FGF2: variants seen among roughly 807,000 people sequenced by gnomAD.
FGF2 encodes the protein basic fibroblast growth factor bFGF.
In FGF2, 13 loss-of-function variants were observed where a neutral mutation model predicts 15.9. The ratio of observed to expected loss-of-function variants is 0.82; its 90% CI spans 0.53 to 1.30. The LOEUF (loss-of-function observed/expected upper bound fraction) is 1.30. FGF2 is among the 50% of genes most tolerant of loss of function. FGF2 has a pLI of 0.00. For synonymous variants in FGF2, 90 were observed against 78.4 expected (o/e 1.15, Z -0.78); for missense variants, 163 against 196.9 (o/e 0.83, Z 1.03).
At chr4:122,856,976 T>C (rs117081464) in intron 1 of FGF2, among the ~76,000 whole-genome samples, 2 of 152,300 alleles carry the variant, frequency 1.3e-5, no homozygotes, top group East Asian at 3.9e-4. Flanking sequence ...TTAACACATA[T>C]AGGGTTGATG....
chr4:122,850,048 G>C (rs1726196643), intron 1 of FGF2, among the ~76,000 whole-genome samples: 1 of 152,278 alleles, frequency 6.6e-6, no homozygotes, highest in African/African-American at 2.4e-5. Context: ...GATTGCTTGA[G>C]CTCAGGAGTT....
intron 1 of FGF2, among the ~76,000 whole-genome samples, chr4:122,836,833 C>T (rs308402): frequency 0.081 from 12,341 of 152,258 alleles, 925 homozygotes; most frequent in South Asian, 0.2. Context: ...GCAATAAAGG[C>T]AAAGCGTAGT....
chr4:122,834,361 T>C (rs1193847686), intron 1 of FGF2, among the ~76,000 whole-genome samples: 2 of 152,266 alleles, frequency 1.3e-5, no homozygotes, highest in Non-Finnish European at 1.5e-5. Context: ...TTATTTTCTT[T>C]TGTGAATAAT....
At chr4:122,860,096 C>T (rs138230974) in intron 1 of FGF2, among the ~76,000 whole-genome samples, 7 of 152,216 alleles carry the variant, frequency 4.6e-5, no homozygotes, top group African/African-American at 7.2e-5. Flanking sequence ...TTACCTATAT[C>T]GAGTTTTCCC....
intron 2 of FGF2, among the ~76,000 whole-genome samples, chr4:122,883,850 G>T (rs1047333751): frequency 2.0e-5 from 3 of 152,128 alleles, no homozygotes; most frequent in African/African-American, 7.2e-5. Context: ...ATCCACAATA[G>T]TGAAATATGA....
At chr4:122,837,056 A>G (rs1199231372) in intron 1 of FGF2, among the ~76,000 whole-genome samples, 1 of 152,134 alleles carries the variant, frequency 6.6e-6, no homozygotes, top group Non-Finnish European at 1.5e-5. Context: ...AATCATTGTA[A>G]AAGTTAGTAT....
chr4:122,889,579 C>A (rs12503378), intron 2 of FGF2, among the ~76,000 whole-genome samples: 3 of 151,816 alleles, frequency 2.0e-5, no homozygotes, highest in Non-Finnish European at 4.4e-5. Flanking sequence ...AAATTTTGGC[C>A]CTACTACTCA....
chr4:122,879,757 G>T (rs1404663605), intron 2 of FGF2, among the ~76,000 whole-genome samples: 1 of 152,238 alleles, frequency 6.6e-6, no homozygotes, highest in African/African-American at 2.4e-5. Flanking sequence ...AGTAGGCAGA[G>T]AGAGCTTGTG....
At chr4:122,863,496 T>C (rs1471473732) in intron 1 of FGF2, among the ~76,000 whole-genome samples, 1 of 152,178 alleles carries the variant, frequency 6.6e-6, no homozygotes, top group African/African-American at 2.4e-5. Context: ...GGAATGACAT[T>C]CTACCCAGAA....
At chr4:122,826,707 C>T, upstream of FGF2, 14 of 1,256,066 alleles carry the variant, frequency 1.1e-5, no homozygotes, top group Non-Finnish European at 1.3e-5. Flanking sequence ...AACTCAGAGG[C>T]CGGCCCCAGA....
At position 122,893,502 on chromosome 4, in the gene FGF2, A is replaced by T. The variant is rs1431070381; in HGVS notation, c.*1106A>T. 6.7e-6 allele frequency: 2 copies of T among 296,890 alleles called. No individual in the cohort carries two copies. Among genetic ancestry groups the T allele is most frequent in the African/African-American group, 4.3e-5 (2 of 46,282 alleles). The allele number at this position is 296,890 out of a possible 1,614,324, so 18.4% of individuals were successfully genotyped here. On this transcript the variant is annotated 3_prime_UTR_variant, in exon 3 of 3. Transcript: ENST00000644866. ...TACATTTTTGGGGTCAGCTCTTTTT[A>T]ACTTCTTGCTGCTCTTTTTCCCAAA... is the stretch of plus-strand genomic sequence containing the variant.
Position 122,893,241 on chromosome 4 carries a change from G to C in FGF2, c.*845G>C, listed in dbSNP as rs1727244901. On this transcript the variant is annotated 3_prime_UTR_variant, in exon 3 of 3. Transcript: ENST00000644866. ...GCTGTGTCTCCTACGTAAAAAAAGA[G>C]ATGTACAAATCAATAATAATTACAC... 6.4e-7 allele frequency: 1 copy of C among 1,573,746 alleles called. No homozygotes were observed. The highest frequency in any genetic ancestry group is 1.4e-5 in the African/African-American group (1 of 73,062).
At chr4:122,880,021 C>G (rs931732444) in intron 2 of FGF2, among the ~76,000 whole-genome samples, 1 of 152,198 alleles carries the variant, frequency 6.6e-6, no homozygotes, top group African/African-American at 2.4e-5. Flanking sequence ...AGTCGTAACT[C>G]ATTTCAGCAT....
At chr4:122,868,126 G>A (rs1726642437) in intron 1 of FGF2, among the ~76,000 whole-genome samples, 1 of 152,124 alleles carries the variant, frequency 6.6e-6, no homozygotes, top group Admixed American at 6.5e-5. Context: ...GATATGGTTA[G>A]TTTAAATCTG....
intron 2 of FGF2, among the ~76,000 whole-genome samples, chr4:122,887,621 C>T (rs930713776): frequency 6.6e-6 from 1 of 152,208 alleles, no homozygotes; most frequent in Middle Eastern, 3.2e-3. Flanking sequence ...AGAGTCTGCT[C>T]TATTCAAATA....
At chr4:122,845,349 G>A (rs762369556) in intron 1 of FGF2, among the ~76,000 whole-genome samples, 1 of 152,140 alleles carries the variant, frequency 6.6e-6, no homozygotes, top group Non-Finnish European at 1.5e-5. Context: ...AATGAGCATT[G>A]GCTTCCACTT....
chr4:122,865,146 G>C (rs1301946340), intron 1 of FGF2, among the ~76,000 whole-genome samples: 3 of 152,016 alleles, frequency 2.0e-5, no homozygotes, highest in Non-Finnish European at 1.5e-5. Context: ...TAGAAGCTTA[G>C]ATTTTTATGT....
chr4:122,870,969 A>G (rs546559805), intron 1 of FGF2, among the ~76,000 whole-genome samples: 1 of 152,266 alleles, frequency 6.6e-6, no homozygotes, highest in East Asian at 1.9e-4. Flanking sequence ...TAGTGCTAAA[A>G]ATTTCCCTCT....
At chr4:122,870,372 T>C (rs1233492165) in intron 1 of FGF2, among the ~76,000 whole-genome samples, 1 of 152,216 alleles carries the variant, frequency 6.6e-6, no homozygotes, top group Admixed American at 6.5e-5. Flanking sequence ...TCCCTCCTTT[T>C]CAATTGTTTG....
Sources: gnomAD v4.1 joint callset for allele counts (sites outside exome capture counted in the v4.1 genomes callset) on GRCh38, gnomAD v4.1.1 for gene constraint, MANE v1.5 for transcripts, NCBI Gene and HGNC (gene_info 2026-07-23, HGNC 2026-07-21) for gene names.